Variants in IL1RAPL1 observed in about 807,000 individuals in gnomAD.
IL1RAPL1 encodes the protein interleukin 1 receptor accessory protein like 1.
In IL1RAPL1, 3 loss-of-function variants were observed where a neutral mutation model predicts 48.4. The ratio of observed to expected loss-of-function variants is 0.06; its 90% CI spans 0.03 to 0.16. The LOEUF (loss-of-function observed/expected upper bound fraction) is 0.16, where lower values mean the gene tolerates loss of function less well. Ranked by LOEUF, IL1RAPL1 falls within the 10% of genes least tolerant of loss-of-function variation. IL1RAPL1 has a pLI of 1.00. For synonymous variants in IL1RAPL1, 185 were observed against 187.7 expected (o/e 0.99, Z 0.12); for missense variants, 349 against 530.6 (o/e 0.66, Z 3.36).
intron 2 of IL1RAPL1, among the ~76,000 whole-genome samples, chrX:29,211,048 A>C (rs2147541895): frequency 9.0e-6 from 1 of 111,142 alleles, no homozygotes; most frequent in South Asian, 3.8e-4. Flanking sequence ...GTTTATTATA[A>C]CAGTTTAGTT....
At chrX:29,203,732 T>G (rs1426834075) in intron 2 of IL1RAPL1, among the ~76,000 whole-genome samples, 2 of 16,984 alleles carry the variant, frequency 1.2e-4, no homozygotes, top group African/African-American at 1.9e-4. Context: ...AATATATATA[T>G]ATATATATAT....
At chrX:28,790,633 T>C (rs1286354479) in intron 2 of IL1RAPL1, among the ~76,000 whole-genome samples, 1 of 112,420 alleles carries the variant, frequency 8.9e-6, no homozygotes, top group Non-Finnish European at 1.9e-5. Context: ...GTATCTGCCA[T>C]TGATGTGGTT....
Position 28,722,701 on chromosome X carries a change from C to G in IL1RAPL1, c.-24-66619C>G, listed in dbSNP as rs1286612787. On this transcript the variant is annotated intron_variant, in intron 1 of 10. Transcript: ENST00000378993. ...CGAAGGGAATGCTTCCAGTTTTTGGCCATTCAGTATGATATTGGCTGTGGG... is the reference window on the plus strand; with the variant it reads ...CGAAGGGAATGCTTCCAGTTTTTGGGCATTCAGTATGATATTGGCTGTGGG... 3.6e-5 allele frequency among the ~76,000 whole-genome samples: 4 copies of G among 111,625 alleles called. No individual in the cohort carries two copies. In the East Asian group the frequency reaches 1.1e-3, roughly 31 times the overall value.
chrX:29,335,259 GAC>G (rs1932971920), intron 3 of IL1RAPL1, among the ~76,000 whole-genome samples: 1 of 33,217 alleles, frequency 3.0e-5, no homozygotes, highest in East Asian at 8.4e-4. Flanking sequence ...CGTGGAGGGA[GAC>G]GGAGACGGAG....
chrX:28,915,187 C>T (rs5985931), intron 2 of IL1RAPL1, among the ~76,000 whole-genome samples: 39,342 of 110,328 alleles, frequency 0.36, 5,145 homozygotes, highest in Admixed American at 0.44. Context: ...GCTGATCTGA[C>T]GAGGCAGAGC....
At chrX:28,833,038 C>T (rs1389366130) in intron 2 of IL1RAPL1, among the ~76,000 whole-genome samples, 3 of 110,232 alleles carry the variant, frequency 2.7e-5, no homozygotes, top group Non-Finnish European at 5.7e-5. Flanking sequence ...TGTTTAACTT[C>T]CACTTATAAG....
chrX:29,825,455 C>T (rs1227898492), intron 6 of IL1RAPL1, among the ~76,000 whole-genome samples: 1 of 111,727 alleles, frequency 9.0e-6, no homozygotes, highest in Admixed American at 9.6e-5. Context: ...CCCTAGTTTC[C>T]TTTCTCTAGA....
chrX:29,202,118 C>T lies in IL1RAPL1; in HGVS notation c.83-80820C>T, dbSNP rs777030576. On this transcript the variant is annotated intron_variant, in intron 2 of 10. Transcript: ENST00000378993. Reference sequence around the variant, plus strand: ...GCAAGACATATGCAAACTATGCAACCGACAAAGGTCTAATATCCAGCATCT... The same window carrying T: ...GCAAGACATATGCAAACTATGCAACTGACAAAGGTCTAATATCCAGCATCT... Among the ~76,000 whole-genome samples the T allele has an allele frequency of 3.6e-5, 4 of 112,202 alleles. No individual in the cohort carries two copies. In the South Asian group the frequency reaches 1.1e-3, roughly 31 times the overall value.
chrX:28,873,106 C>CT (rs764591682), intron 2 of IL1RAPL1, among the ~76,000 whole-genome samples: 2,648 of 64,922 alleles, frequency 0.041, 187 homozygotes, highest in East Asian at 0.17. Context: ...TTTTTTTTCA[C>CT]TTTTTTTTTT....
At chrX:28,917,777 A>G (rs1569199578) in intron 2 of IL1RAPL1, among the ~76,000 whole-genome samples, 1 of 112,390 alleles carries the variant, frequency 8.9e-6, no homozygotes, top group Non-Finnish European at 1.9e-5. Flanking sequence ...CATACGTAAC[A>G]TTTACTGCTT....
At chrX:29,090,499 A>G (rs1400148921) in intron 2 of IL1RAPL1, among the ~76,000 whole-genome samples, 1 of 110,501 alleles carries the variant, frequency 9.0e-6, no homozygotes, top group Non-Finnish European at 1.9e-5. Flanking sequence ...ATCTGATTCC[A>G]TCTCTGGGGA....
At chrX:29,525,522 T>C (rs1935544131) in intron 5 of IL1RAPL1, among the ~76,000 whole-genome samples, 1 of 111,796 alleles carries the variant, frequency 8.9e-6, no homozygotes, top group South Asian at 3.7e-4. Flanking sequence ...CTATGATCAG[T>C]CAAGTCTCTA....
intron 2 of IL1RAPL1, among the ~76,000 whole-genome samples, chrX:28,859,808 AATT>A (rs1278916207): frequency 1.8e-5 from 2 of 109,004 alleles, no homozygotes; most frequent in African/African-American, 6.6e-5. Context: ...ATTGTATATC[AATT>A]ATTTATTGAT....
intron 5 of IL1RAPL1, among the ~76,000 whole-genome samples, chrX:29,430,454 G>T (rs1407570717): frequency 9.0e-6 from 1 of 111,719 alleles, no homozygotes; most frequent in African/African-American, 3.3e-5. Context: ...TCCACCACAG[G>T]GTGGTTCTAC....
intron 2 of IL1RAPL1, among the ~76,000 whole-genome samples, chrX:28,948,172 A>G (rs959186256): frequency 2.7e-5 from 3 of 111,626 alleles, no homozygotes; most frequent in Non-Finnish European, 5.7e-5. Flanking sequence ...TCTTCAGTTC[A>G]AAAAATGAAA....
chrX:29,801,285 G>C (rs1319542047), intron 6 of IL1RAPL1, among the ~76,000 whole-genome samples: 1 of 110,540 alleles, frequency 9.0e-6, no homozygotes, highest in East Asian at 2.8e-4. Flanking sequence ...ATTTTGTTCT[G>C]AAAATCTTCC....
intron 6 of IL1RAPL1, among the ~76,000 whole-genome samples, chrX:29,683,892 TCTTAA>T (rs1340997166): frequency 3.6e-5 from 4 of 112,230 alleles, no homozygotes; most frequent in Non-Finnish European, 7.5e-5. Flanking sequence ...TGCTTCCAAA[TCTTAA>T]CTATTGGAAA....
intron 3 of IL1RAPL1, among the ~76,000 whole-genome samples, chrX:29,388,785 AAAG>A (rs1468971763): frequency 1.8e-5 from 2 of 112,188 alleles, no homozygotes; most frequent in African/African-American, 6.5e-5. Context: ...GGGAGAGAGG[AAAG>A]AAGAATAATT....
intron 5 of IL1RAPL1, among the ~76,000 whole-genome samples, chrX:29,496,371 C>T (rs1280452472): frequency 9.1e-6 from 1 of 110,142 alleles, no homozygotes; most frequent in African/African-American, 3.3e-5. Flanking sequence ...AGACAGATCC[C>T]TCATGGCTTG....
Sources: allele counts gnomAD v4.1 joint callset (sites outside exome capture counted in the v4.1 genomes callset), GRCh38; gene constraint gnomAD v4.1.1; transcripts MANE v1.5; gene names NCBI Gene and HGNC (gene_info 2026-07-23, HGNC 2026-07-21).